Variants in DMD observed in about 807,000 individuals in gnomAD.
DMD encodes the protein dystrophin, also known as mutant dystrophin.
A neutral mutation model predicts 330.1 loss-of-function variants in DMD; 63 were observed. The ratio of observed to expected loss-of-function variants is 0.19; its 90% CI spans 0.16 to 0.24. The LOEUF (loss-of-function observed/expected upper bound fraction) is 0.24. Among genes scored for constraint, DMD ranks in the 10% least tolerant of loss-of-function variants. DMD has a pLI of 1.00. For synonymous variants in DMD, 1,223 were observed against 959.8 expected (o/e 1.27, Z -5.07); for missense variants, 3,344 against 2,684.1 (o/e 1.25, Z -5.43).
intron 21 of DMD, among the ~76,000 whole-genome samples, chrX:32,476,457 G>T (rs1434682144): frequency 1.8e-5 from 2 of 111,307 alleles, no homozygotes; most frequent in Non-Finnish European, 3.8e-5. Flanking sequence ...TCCAAAGATT[G>T]GTTTGGGAAC....
chrX:33,269,895 C>T (rs753933009), intron 1 of DMD, among the ~76,000 whole-genome samples: 2 of 109,623 alleles, frequency 1.8e-5, no homozygotes, highest in African/African-American at 6.6e-5. Context: ...TACCCTGGGG[C>T]TCTTCAGAGT....
chrX:31,483,253 A>G (rs889729893), intron 57 of DMD, among the ~76,000 whole-genome samples: 19 of 108,690 alleles, frequency 1.7e-4, no homozygotes, highest in East Asian at 5.7e-4. Flanking sequence ...TCACCGTGTT[A>G]GCCAGGATGG....
At chrX:32,958,895 C>G (rs1182595499) in intron 2 of DMD, among the ~76,000 whole-genome samples, 1 of 110,214 alleles carries the variant, frequency 9.1e-6, no homozygotes. Context: ...AAAAACACTT[C>G]TTAGATATCA....
chrX:32,250,236 A>G, intron 43 of DMD, among the ~76,000 whole-genome samples: 1 of 111,420 alleles, frequency 9.0e-6, no homozygotes, highest in South Asian at 3.8e-4. Flanking sequence ...GGGTTTTTCA[A>G]CATTTAAATA....
rs777463836 is a variant in DMD, at chrX:32,419,920, T to C, written c.4072-8007A>G. 2.7e-5 allele frequency among the ~76,000 whole-genome samples: 3 copies of C among 112,101 alleles called. No homozygotes were observed. In the South Asian group the frequency reaches 1.1e-3, roughly 42 times the overall value. On this transcript the variant is annotated intron_variant, in intron 29 of 78. Transcript: ENST00000357033. Reference sequence around the variant, plus strand: ...GGTCAATGAGCTATAGAGTAATATATCTAAGACATTTCTGGATTCTTGCTG... The same window carrying C: ...GGTCAATGAGCTATAGAGTAATATACCTAAGACATTTCTGGATTCTTGCTG...
intron 44 of DMD, among the ~76,000 whole-genome samples, chrX:32,000,403 A>G (rs2095618056): frequency 8.9e-6 from 1 of 112,261 alleles, no homozygotes; most frequent in African/African-American, 3.2e-5. Context: ...AAATGTTCAA[A>G]TAAAAAACAG....
chrX:33,128,438 A>C, intron 1 of DMD: 2 of 950,393 alleles, frequency 2.1e-6, no homozygotes, highest in Non-Finnish European at 2.6e-6. Flanking sequence ...TTTTGCAAAC[A>C]CTCCCCTCTC....
At chrX:32,445,703 A>G (rs2098300674) in intron 27 of DMD, among the ~76,000 whole-genome samples, 1 of 110,932 alleles carries the variant, frequency 9.0e-6, no homozygotes, top group Admixed American at 9.6e-5. Flanking sequence ...TTACTCATTA[A>G]GTTGAAACAT....
intron 2 of DMD, among the ~76,000 whole-genome samples, chrX:32,954,165 T>A (rs1322782460): frequency 8.9e-6 from 1 of 112,483 alleles, no homozygotes; most frequent in Non-Finnish European, 1.9e-5. Context: ...TGTGGACTCA[T>A]AACAGAGAAC....
intron 2 of DMD, among the ~76,000 whole-genome samples, chrX:32,961,513 G>A: frequency 9.0e-6 from 1 of 110,959 alleles, no homozygotes; most frequent in East Asian, 2.8e-4. Context: ...ACTATTGAAG[G>A]AAATTTTAAT....
intron 62 of DMD, among the ~76,000 whole-genome samples, chrX:31,317,061 G>A (rs1252046368): frequency 8.9e-6 from 1 of 112,058 alleles, no homozygotes; most frequent in Non-Finnish European, 1.9e-5. Flanking sequence ...CACTTCTCTG[G>A]AAAATGATCA....
At chrX:31,731,184 GA>G (rs2086478790) in intron 51 of DMD, among the ~76,000 whole-genome samples, 1 of 111,287 alleles carries the variant, frequency 9.0e-6, no homozygotes, top group African/African-American at 3.3e-5. Flanking sequence ...TGATTGCTCA[GA>G]AAAAAAATCC....
intron 60 of DMD, among the ~76,000 whole-genome samples, chrX:31,378,332 T>G (rs1021847562): frequency 9.0e-6 from 1 of 111,067 alleles, no homozygotes; most frequent in African/African-American, 3.3e-5. Context: ...AAGCGGCCTC[T>G]TTTTACTCTC....
At chrX:32,492,832 A>G (rs1479040789) in intron 19 of DMD, among the ~76,000 whole-genome samples, 1 of 112,176 alleles carries the variant, frequency 8.9e-6, no homozygotes, top group Non-Finnish European at 1.9e-5. Context: ...GGAAATACTG[A>G]ATATTTAAAT....
intron 54 of DMD, among the ~76,000 whole-genome samples, chrX:31,630,177 T>A (rs778831252): frequency 1.3e-3 from 146 of 111,242 alleles, no homozygotes; most frequent in African/African-American, 4.7e-3. Flanking sequence ...GATGAAAGAG[T>A]TCTACCGAGA....
At chrX:31,906,932 T>G (rs759600339) in intron 47 of DMD, among the ~76,000 whole-genome samples, 7 of 112,463 alleles carry the variant, frequency 6.2e-5, no homozygotes, top group Non-Finnish European at 1.1e-4. Flanking sequence ...CTTCCCTGGT[T>G]GCAGCCATGT....
chrX:32,244,071 C>T (rs1484351272), intron 43 of DMD, among the ~76,000 whole-genome samples: 1 of 98,749 alleles, frequency 1.0e-5, no homozygotes, highest in Non-Finnish European at 2.0e-5. Context: ...CGTCATCTAG[C>T]ATTAGGTATA....
At chrX:32,321,606 T>C (rs568520988) in intron 41 of DMD, among the ~76,000 whole-genome samples, 1 of 111,673 alleles carries the variant, frequency 9.0e-6, no homozygotes, top group African/African-American at 3.2e-5. Flanking sequence ...TGTTTTCCCA[T>C]ATGTAAATTT....
chrX:31,973,237 G>A (rs1013868560), intron 44 of DMD, among the ~76,000 whole-genome samples: 4 of 108,684 alleles, frequency 3.7e-5, no homozygotes, highest in Non-Finnish European at 7.7e-5. Context: ...ATTGAAAGAT[G>A]GCTAAAATTG....
Sources: gnomAD v4.1 joint callset for allele counts (sites outside exome capture counted in the v4.1 genomes callset) on GRCh38, gnomAD v4.1.1 for gene constraint, MANE v1.5 for transcripts, NCBI Gene and HGNC (gene_info 2026-07-23, HGNC 2026-07-21) for gene names.